SLC22A16: variants seen among roughly 807,000 people sequenced by gnomAD.
SLC22A16 encodes WUGSC:RG331P03.1.
A neutral mutation model predicts 52.9 loss-of-function variants in SLC22A16; 53 were observed. That is an observed-to-expected ratio of 1.00 (90% CI 0.80 to 1.26). SLC22A16 has a LOEUF of 1.26. Among genes scored for constraint, SLC22A16 ranks in the 50% most tolerant of loss-of-function variants. SLC22A16 has a pLI of 0.00. For missense variants in SLC22A16, 726 were observed against 704.0 expected (o/e 1.03, Z -0.35); for synonymous variants, 291 against 268.8 (o/e 1.08, Z -0.81).
rs1775671943 is a variant in SLC22A16 at position 110,456,732 on chromosome 6, G to A, written c.339C>T (p.Gly113=). 1.2e-6 allele frequency: 2 copies of A among 1,614,108 alleles called. No homozygotes were observed. The highest frequency in any genetic ancestry group is 8.5e-7 in the Non-Finnish European group (1 of 1,180,016). The change falls in exon 2 of 8, where the codon GGC becomes GGT. Residue 113 remains glycine, a synonymous_variant. Coordinates refer to ENST00000368919, the MANE Select transcript of SLC22A16 (RefSeq NM_033125.4). ...CTTTCTTACTGCCAGTGTATTCATA[G>A]CCCAAACTCGATGTGTTCTCCCTCT... The part of the protein sequence containing the change: ...RNKRENTSSL[G]YEYTGSKKEF...
chr6:110,457,887 G>T (rs551814356), intron 1 of SLC22A16, among the ~76,000 whole-genome samples: 39 of 152,080 alleles, frequency 2.6e-4, no homozygotes, highest in Non-Finnish European at 5.0e-4. Flanking sequence ...CCAGGAAAGG[G>T]AGTCTCCCTT....
chr6:110,470,983 T>A (rs1323592607), intron 1 of SLC22A16, among the ~76,000 whole-genome samples: 3 of 152,180 alleles, frequency 2.0e-5, no homozygotes, highest in Non-Finnish European at 4.4e-5. Context: ...TGACATTTGT[T>A]ATAACCATTT....
At chr6:110,452,212 A>G (rs552828409) in intron 2 of SLC22A16, among the ~76,000 whole-genome samples, 69 of 152,154 alleles carry the variant, frequency 4.5e-4, no homozygotes, top group Non-Finnish European at 9.0e-4. Context: ...ATATTTAACC[A>G]TTTATATTTC....
chr6:110,453,961 A>C (rs1582562899), intron 2 of SLC22A16, among the ~76,000 whole-genome samples: 1 of 152,190 alleles, frequency 6.6e-6, no homozygotes, highest in Non-Finnish European at 1.5e-5. Flanking sequence ...CCACTCTTGC[A>C]GGAACTAATC....
At position 110,425,064 on chromosome 6, in the gene SLC22A16, G is replaced by A. The variant is rs1562272784; in HGVS notation, c.1543C>T (p.Leu515Phe). ...TTTAGTGTTAACACTCCACTCAGGA[G>A]GGCCATAGTCCCAACAAACAACTAG... The part of the protein sequence containing the change: ...IPQLFVGTMA[L>F]LSGVLTLKLP... Residue 515 changes from leucine to phenylalanine, a missense_variant, in exon 8 of 8, where the codon CTC (leucine) becomes TTC (phenylalanine). Leu to Phe is a conservative substitution (Grantham distance 22). Transcript: ENST00000368919. 6.2e-7 allele frequency: 1 copy of A among 1,614,138 alleles called. No homozygotes were observed. The highest frequency in any genetic ancestry group is 1.7e-5 in the Admixed American group (1 of 60,020).
At chr6:110,447,186 C>A (rs559324454) in intron 2 of SLC22A16, among the ~76,000 whole-genome samples, 196 bp from the exon 3 acceptor site, 21 of 152,250 alleles carry the variant, frequency 1.4e-4, no homozygotes, top group Non-Finnish European at 2.2e-4. Context: ...AGTGGAGAGG[C>A]CTTTACCTGA....
chr6:110,435,346 C>A (rs949170308), intron 6 of SLC22A16, among the ~76,000 whole-genome samples: 1 of 152,128 alleles, frequency 6.6e-6, no homozygotes, highest in East Asian at 1.9e-4. Context: ...AGAGGTAAGA[C>A]CCCTTGAGGA....
chr6:110,430,287 G>A (rs1293765107), intron 7 of SLC22A16, among the ~76,000 whole-genome samples: 2 of 152,118 alleles, frequency 1.3e-5, no homozygotes, highest in Non-Finnish European at 2.9e-5. Context: ...GTGGAAGACA[G>A]GTGTCACTGG....
intron 1 of SLC22A16, among the ~76,000 whole-genome samples, chr6:110,461,991 C>T (rs1417384585): frequency 6.6e-6 from 1 of 152,134 alleles, no homozygotes; most frequent in Non-Finnish European, 1.5e-5. Context: ...GGAGGCCTCA[C>T]AATCATGGCA....
chr6:110,472,775 A>T (rs1307432384), intron 1 of SLC22A16, among the ~76,000 whole-genome samples: 1 of 152,210 alleles, frequency 6.6e-6, no homozygotes, highest in Admixed American at 6.5e-5. Flanking sequence ...GCTTATAGAT[A>T]TGACACTCTA....
chr6:110,453,759 C>T, intron 2 of SLC22A16: 1 of 453,500 alleles, frequency 2.2e-6, no homozygotes. Flanking sequence ...TATAAAAGAA[C>T]ACCTAAGACT....
At chr6:110,450,819 C>T (rs1775350555) in intron 2 of SLC22A16, among the ~76,000 whole-genome samples, 1 of 151,980 alleles carries the variant, frequency 6.6e-6, no homozygotes, top group African/African-American at 2.4e-5. Flanking sequence ...CTAGAAATCA[C>T]AACCCAAGGC....
At chr6:110,429,650 C>T (rs1336898250) in intron 7 of SLC22A16, among the ~76,000 whole-genome samples, 1 of 152,142 alleles carries the variant, frequency 6.6e-6, no homozygotes, top group Admixed American at 6.5e-5. Context: ...ATGCAAATGT[C>T]CTGCTCTGCA....
chr6:110,446,980 G>A lies in SLC22A16; in HGVS notation c.544C>T (p.Arg182Trp), dbSNP rs775039282. Residue 182 changes from arginine (R) to tryptophan (W), a missense_variant, in exon 3 of 8, where the codon CGG (arginine) becomes TGG (tryptophan). Transcript: ENST00000368919. ...CTGCTTGTGGCCCACAAGACCACCC[G>A]GCGTCCTAGCCTGAAAAATAAGAGT... ...FGYFSDRLGR[R>W]VVLWATSSSM... 3.2e-5 allele frequency: 51 copies of A among 1,613,032 alleles called. No individual in the cohort carries two copies. Among genetic ancestry groups the A allele is most frequent in the African/African-American group, 5.3e-5 (4 of 74,814 alleles).
At chr6:110,438,501 CT>C (rs1057061269) in intron 5 of SLC22A16, among the ~76,000 whole-genome samples, 24 of 146,928 alleles carry the variant, frequency 1.6e-4, no homozygotes, top group South Asian at 4.4e-4. Context: ...TTAGGCTTTT[CT>C]TTTTTTTTTA....
intron 6 of SLC22A16, among the ~76,000 whole-genome samples, chr6:110,432,542 T>G (rs1257918393): frequency 6.6e-6 from 1 of 152,138 alleles, no homozygotes; most frequent in African/African-American, 2.4e-5. Context: ...TCTGAAGCTT[T>G]TCCTGGCTGA....
intron 1 of SLC22A16, chr6:110,474,835 C>G: frequency 2.1e-6 from 1 of 480,008 alleles, no homozygotes; most frequent in Non-Finnish European, 4.1e-6. Flanking sequence ...TTTGAGGAAT[C>G]TGTTTGATTG....
Position 110,456,882 on chromosome 6 carries a change from G to T in SLC22A16, c.189C>A (p.Phe63Leu). ...RPPGNVSQVV[F>L]HNHSNWSLED... ...CCAAACTCCAATTAGAGTGATTATG[G>T]AAAACAACCTGACTCACATTGCCTG... Residue 63 changes from phenylalanine (F) to leucine (L), a missense_variant, in exon 2 of 8, where the codon TTC (phenylalanine) becomes TTA (leucine). Physicochemically the swap from Phe to Leu is conservative, Grantham distance 22. Coordinates refer to ENST00000368919, the MANE Select transcript of SLC22A16 (RefSeq NM_033125.4). 1 of 1,614,054 alleles carries T rather than the reference G, an allele frequency of 6.2e-7. No individual in the cohort carries two copies. Among genetic ancestry groups the T allele is most frequent in the Non-Finnish European group, 8.5e-7 (1 of 1,179,974 alleles).
At chr6:110,476,368 G>T in intron 1 of SLC22A16, 154 bp downstream of exon 1, 1 of 1,362,896 alleles carries the variant, frequency 7.3e-7, no homozygotes, top group East Asian at 2.9e-5. Flanking sequence ...CTAGGGGCCG[G>T]CGTCTGGACG....
Sources: allele counts gnomAD v4.1 joint callset (sites outside exome capture counted in the v4.1 genomes callset), GRCh38; gene constraint gnomAD v4.1.1; transcripts MANE v1.5; gene names NCBI Gene and HGNC (gene_info 2026-07-23, HGNC 2026-07-21).